Variants in EXOC4 observed in about 807,000 individuals in gnomAD.
The protein encoded by EXOC4 is exocyst complex component 4, also known as SEC8-like 1.
A neutral mutation model predicts 107.2 loss-of-function variants in EXOC4; 71 were observed. That is an observed-to-expected ratio of 0.66 (90% CI 0.55 to 0.81). EXOC4 has a LOEUF of 0.81. Among genes scored for constraint, EXOC4 ranks in the 30% least tolerant of loss-of-function variants. The pLI, the probability that EXOC4 is intolerant of heterozygous loss-of-function variation, is 0.00. For synonymous variants in EXOC4, 456 were observed against 441.2 expected (o/e 1.03, Z -0.42); for missense variants, 1,108 against 1,189.6 (o/e 0.93, Z 1.01).
chr7:133,491,744 G>A (rs1457562436), intron 9 of EXOC4, among the ~76,000 whole-genome samples: 4 of 152,126 alleles, frequency 2.6e-5, no homozygotes, highest in Admixed American at 2.6e-4. Flanking sequence ...AGTACTTTGG[G>A]GAGTACAGAA....
At chr7:133,629,380 C>T (rs1802531368) in intron 9 of EXOC4, among the ~76,000 whole-genome samples, 1 of 152,080 alleles carries the variant, frequency 6.6e-6, no homozygotes, top group South Asian at 2.1e-4. Context: ...GCTTTATGTG[C>T]CATACTATCC....
chr7:133,992,897 G>GC (rs1224798343), intron 14 of EXOC4, among the ~76,000 whole-genome samples: 2 of 151,018 alleles, frequency 1.3e-5, no homozygotes, highest in Admixed American at 1.3e-4. Context: ...GTCATAGATG[G>GC]CCTTTATCAT....
intron 14 of EXOC4, among the ~76,000 whole-genome samples, chr7:133,955,346 G>C (rs148941013): frequency 6.6e-6 from 1 of 152,272 alleles, no homozygotes; most frequent in East Asian, 1.9e-4. Flanking sequence ...CCCTGTGGTG[G>C]GTAGCTCCTC....
chr7:134,068,899 A>G (rs1435298141), downstream of EXOC4, among the ~76,000 whole-genome samples: 2 of 152,218 alleles, frequency 1.3e-5, no homozygotes, highest in African/African-American at 4.8e-5. Flanking sequence ...AGTCAGTCAA[A>G]TAGAATTGCC....
chr7:133,534,995 A>G (rs1448470745), intron 9 of EXOC4, among the ~76,000 whole-genome samples: 1 of 152,182 alleles, frequency 6.6e-6, no homozygotes, highest in Non-Finnish European at 1.5e-5. Flanking sequence ...CAGAATACTT[A>G]AAAGGGCATG....
chr7:133,600,263 A>G (rs2150986353), intron 9 of EXOC4, among the ~76,000 whole-genome samples: 1 of 152,206 alleles, frequency 6.6e-6, no homozygotes, highest in South Asian at 2.1e-4. Context: ...TTCAACCACC[A>G]ACCATCTGTG....
chr7:133,922,985 G>C (rs1213937925), intron 13 of EXOC4, among the ~76,000 whole-genome samples: 1 of 88,418 alleles, frequency 1.1e-5, no homozygotes, highest in East Asian at 2.5e-4. Flanking sequence ...TGAATATCCT[G>C]GGTTTTTTTT....
At chr7:133,413,795 T>C (rs999444805) in intron 7 of EXOC4, among the ~76,000 whole-genome samples, 1 of 152,122 alleles carries the variant, frequency 6.6e-6, no homozygotes, top group African/African-American at 2.4e-5. Flanking sequence ...CTGAGAGCTA[T>C]GTTGTCCAAG....
At chr7:133,403,370 C>T (rs1456919091) in intron 7 of EXOC4, among the ~76,000 whole-genome samples, 1 of 152,206 alleles carries the variant, frequency 6.6e-6, no homozygotes, top group Non-Finnish European at 1.5e-5. Flanking sequence ...TCCCTTTCCC[C>T]TTATCACTGT....
At chr7:134,035,468 C>A (rs1274637876) in intron 17 of EXOC4, among the ~76,000 whole-genome samples, 1 of 152,102 alleles carries the variant, frequency 6.6e-6, no homozygotes, top group Non-Finnish European at 1.5e-5. Context: ...AGCATTTTCA[C>A]ACAAAAATGC....
rs1015496453 is a variant in EXOC4 at position 133,558,675 on chromosome 7, C to T, written c.1418-71370C>T. ...TATTTTTCTTTTGTTAGTTTTTTTCCGTAGGCTGTGACTATGCTTACTGAA... is the reference window on the plus strand; with the variant it reads ...TATTTTTCTTTTGTTAGTTTTTTTCTGTAGGCTGTGACTATGCTTACTGAA... On this transcript the variant is annotated intron_variant, in intron 9 of 17. Coordinates refer to ENST00000253861, the MANE Select transcript of EXOC4 (RefSeq NM_021807.4). Among the ~76,000 whole-genome samples, 8 of 150,972 alleles carry T rather than the reference C, an allele frequency of 5.3e-5. No individual in the cohort carries two copies. The East Asian group carries it at 1.2e-3, about 22-fold the overall frequency.
chr7:133,847,739 G>C lies in EXOC4; in HGVS notation c.1734+30195G>C, dbSNP rs550226794. ...GGGAGAGGGTGGGGGACGGAGTCTC[G>C]CTCTTGTCGCCCAGGTTGAAGTGCA... On this transcript the variant is annotated intron_variant, in intron 11 of 17. Transcript: ENST00000253861. Among the ~76,000 whole-genome samples, 9 of 151,502 alleles carry C rather than the reference G, an allele frequency of 5.9e-5. 1 individual carries two copies. Among genetic ancestry groups the C allele is most frequent in the African/African-American group, 9.7e-5 (4 of 41,308 alleles).
At chr7:133,662,789 T>C (rs1793723883) in intron 10 of EXOC4, among the ~76,000 whole-genome samples, 1 of 152,114 alleles carries the variant, frequency 6.6e-6, no homozygotes, top group Non-Finnish European at 1.5e-5. Context: ...CTATTTTGCC[T>C]AGGAAGTATT....
intron 17 of EXOC4, among the ~76,000 whole-genome samples, chr7:134,015,492 T>C (rs565180861): frequency 2.6e-5 from 4 of 152,172 alleles, no homozygotes; most frequent in Non-Finnish European, 4.4e-5. Flanking sequence ...ATTTATATTC[T>C]AAGTACATCA....
At chr7:133,286,387 G>A (rs1447385899) in intron 2 of EXOC4, among the ~76,000 whole-genome samples, 1 of 152,128 alleles carries the variant, frequency 6.6e-6, no homozygotes, top group African/African-American at 2.4e-5. Context: ...GTTAATTATA[G>A]TTTAACAAAA....
chr7:133,732,163 C>A (rs1795341502), intron 10 of EXOC4, among the ~76,000 whole-genome samples: 1 of 152,098 alleles, frequency 6.6e-6, no homozygotes, highest in African/African-American at 2.4e-5. Flanking sequence ...GAGCTGGAAG[C>A]CATTATCCTC....
intron 10 of EXOC4, among the ~76,000 whole-genome samples, chr7:133,796,542 A>G (rs950215125): frequency 3.3e-5 from 5 of 152,036 alleles, no homozygotes; most frequent in Non-Finnish European, 5.9e-5. Flanking sequence ...GGCGGATCAC[A>G]AGGTCAAGAG....
chr7:133,327,328 G>T (rs1795272130), intron 5 of EXOC4, among the ~76,000 whole-genome samples: 1 of 152,156 alleles, frequency 6.6e-6, no homozygotes, highest in African/African-American at 2.4e-5. Context: ...GACTGGAGCT[G>T]TTCTTGTTCG....
At chr7:133,614,992 T>G (rs1303981650) in intron 9 of EXOC4, among the ~76,000 whole-genome samples, 1 of 152,058 alleles carries the variant, frequency 6.6e-6, no homozygotes, top group Non-Finnish European at 1.5e-5. Context: ...AAATTGACAT[T>G]AGATAATCTG....
Sources: allele counts gnomAD v4.1 joint callset (sites outside exome capture counted in the v4.1 genomes callset), GRCh38; gene constraint gnomAD v4.1.1; transcripts MANE v1.5; gene names NCBI Gene and HGNC (gene_info 2026-07-23, HGNC 2026-07-21).